The following HOOK2 variants were observed in gnomAD, a reference collection of about 807,000 sequenced individuals.
HOOK2 encodes protein Hook homolog 2.
Under a neutral mutation model 111.9 loss-of-function variants are expected in HOOK2, and 108 were observed. The observed-to-expected ratio is 0.96, with a 90% CI of 0.83 to 1.13. HOOK2 has a LOEUF of 1.13. Ranked by LOEUF, HOOK2 falls within the 50% of genes most tolerant of loss-of-function variation. The pLI, the probability that HOOK2 is intolerant of heterozygous loss-of-function variation, is 0.00. For missense variants in HOOK2, 978 were observed against 951.3 expected, an observed-to-expected ratio of 1.03 and a Z score of -0.37; for synonymous variants, 405 against 394.3, an observed-to-expected ratio of 1.03 and a Z score of -0.32.
rs932300923 is a variant in HOOK2, at chr19:12,791,331, A to G, written n.42-17106T>C. Among the ~76,000 whole-genome samples the G allele has an allele frequency of 3.3e-5, 5 of 152,180 alleles. No homozygotes were observed. The highest frequency in any genetic ancestry group is 5.9e-5 in the Non-Finnish European group (4 of 68,028). The stretch of plus-strand genomic sequence containing the variant: ...CGGCCCGTGGCCGCTGTTTACAAGG[A>G]CACGCGCTTCCTGACAGTGACGCGA... On this transcript the variant is annotated intron_variant and non_coding_transcript_variant, in intron 3 of 3. Transcript: ENST00000589765. This position sits in a 1 kb window ranked among gnomAD's most constrained non-coding sequence, Gnocchi z 7.0.
intron 3 of HOOK2, among the ~76,000 whole-genome samples, chr19:12,783,931 C>T (rs1017117268): frequency 6.6e-5 from 10 of 152,082 alleles, no homozygotes; most frequent in South Asian, 2.1e-4. Flanking sequence ...AAGTGAGAGG[C>T]GGGGCAGGAA....
rs1968707246 is a variant in HOOK2 at position 12,791,084 on chromosome 19, A to G, written n.42-16859T>C. On this transcript the variant is annotated intron_variant and non_coding_transcript_variant, in intron 3 of 3. Coordinates refer to the HOOK2 transcript ENST00000589765. The surrounding 1 kb of genome is among the most constrained non-coding windows in gnomAD (Gnocchi z 7.0). ...CTCCCAATGGATTGTCAGTCCTCCT[A>G]CCCCTCTCGTATTCTGGGTACCTCA... 6.6e-6 allele frequency among the ~76,000 whole-genome samples: 1 copy of G among 151,520 alleles called. No homozygotes were observed. The highest frequency in any genetic ancestry group is 2.1e-4 in the South Asian group (1 of 4,792).
chr19:12,777,686 C>G (rs762018128), upstream of HOOK2, among the ~76,000 whole-genome samples: 3 of 152,220 alleles, frequency 2.0e-5, no homozygotes, highest in Non-Finnish European at 4.4e-5. Context: ...CGGCATCACC[C>G]CCACCTCAGA....
upstream of HOOK2, among the ~76,000 whole-genome samples, chr19:12,780,981 A>T (rs550942647): frequency 1.5e-4 from 21 of 140,050 alleles, no homozygotes; most frequent in African/African-American, 5.3e-4. Context: ...CCGTCTCAAA[A>T]AATAATAATA....
upstream of HOOK2, among the ~76,000 whole-genome samples, chr19:12,782,739 C>G (rs1001431384): frequency 6.6e-6 from 1 of 152,174 alleles, no homozygotes; most frequent in Non-Finnish European, 1.5e-5. Flanking sequence ...CTTGGGGCGC[C>G]GGTGAAACCC....
chr19:12,764,255 T>A (rs891445153), intron 20 of HOOK2: 1 of 160,046 alleles, frequency 6.2e-6, no homozygotes, highest in African/African-American at 2.5e-5. Flanking sequence ...CCTCAAGGGA[T>A]CAGCTGCTTC....
At chr19:12,767,780 G>C (rs201694163) in intron 13 of HOOK2, 36 bp downstream of exon 13, 1 of 1,579,700 alleles carries the variant, frequency 6.3e-7, no homozygotes, top group Non-Finnish European at 8.6e-7. Context: ...CAGTACACCA[G>C]GACAGGTAAG....
At chr19:12,776,627 C>G (rs1331868741), upstream of HOOK2, among the ~76,000 whole-genome samples, 1 of 143,894 alleles carries the variant, frequency 6.9e-6, no homozygotes, top group Non-Finnish European at 1.5e-5. Flanking sequence ...TGCAGTCAGC[C>G]GAGATCGTAC....
In HOOK2 at chr19:12,763,510, C is replaced by T; in HGVS notation, c.2010+18G>A. The T allele has an allele frequency of 6.2e-7, 1 of 1,614,178 alleles. No homozygotes were observed. The highest frequency in any genetic ancestry group is 1.6e-4 in the Middle Eastern group (1 of 6,062). Reference sequence around the variant, plus strand: ...ATATTCTACCCATGAGATCTTAGAGCCCAGACCCCACACTTACCATATTAT... The same window carrying T: ...ATATTCTACCCATGAGATCTTAGAGTCCAGACCCCACACTTACCATATTAT... On this transcript the variant is annotated intron_variant, in intron 22 of 22. Coordinates refer to ENST00000397668, the MANE Select transcript of HOOK2 (RefSeq NM_013312.3).
In HOOK2 at chr19:12,791,737, G is replaced by A. The variant is rs1276791517; in HGVS notation, n.42-17512C>T. The A allele has an allele frequency of 2.0e-6, 3 of 1,511,224 alleles. No homozygotes were observed. The highest frequency in any genetic ancestry group is 2.3e-5 in the East Asian group (1 of 43,444). The allele number at this position is 1,511,224 out of a possible 1,614,324, so 93.6% of individuals were successfully genotyped here. Reference sequence around the variant, plus strand: ...CTGCAGCGAGGCCCGGAGCGGCCCCGCAGGGACCCTCCCCAGACCGCCTGG... The same window carrying A: ...CTGCAGCGAGGCCCGGAGCGGCCCCACAGGGACCCTCCCCAGACCGCCTGG... On this transcript the variant is annotated intron_variant and non_coding_transcript_variant, in intron 3 of 3. Coordinates refer to the HOOK2 transcript ENST00000589765. The surrounding 1 kb of genome is among the most constrained non-coding windows in gnomAD (Gnocchi z 7.0).
Position 12,763,258 on chromosome 19 carries a change from A to T in HOOK2, c.*24T>A, listed in dbSNP as rs768268554. 6.2e-7 allele frequency: 1 copy of T among 1,605,858 alleles called. No individual in the cohort carries two copies. The highest frequency in any genetic ancestry group is 2.2e-5 in the East Asian group (1 of 44,706). ...GAGGAAGCCAGGGTGGGTGGAGCCCAGGCTGGCTTGATTGTGAGGTCTGTC... is the reference window on the plus strand; with the variant it reads ...GAGGAAGCCAGGGTGGGTGGAGCCCTGGCTGGCTTGATTGTGAGGTCTGTC... On this transcript the variant is annotated 3_prime_UTR_variant, in exon 23 of 23. Transcript: ENST00000397668.
chr19:12,769,214 C>G (rs1968243605), intron 11 of HOOK2, among the ~76,000 whole-genome samples: 1 of 152,104 alleles, frequency 6.6e-6, no homozygotes, highest in Non-Finnish European at 1.5e-5. Flanking sequence ...ATCCACCCGC[C>G]TCGGCCTCCC....
intron 3 of HOOK2, chr19:12,785,221 T>C (rs1302714603): frequency 1.3e-5 from 2 of 151,508 alleles, no homozygotes; most frequent in Admixed American, 6.6e-5. Flanking sequence ...AACACACACA[T>C]GGAAACAAGC....
chr19:12,775,484 C>T lies in HOOK2; in HGVS notation c.-35G>A, dbSNP rs778180973. The stretch of plus-strand genomic sequence containing the variant: ...TCGGATTCAATCCAGGCCACGGAGC[C>T]CCGGCGCCGCAGCAGCCTCCGGGTC... On this transcript the variant is annotated 5_prime_UTR_variant, in exon 1 of 23. Coordinates refer to ENST00000397668, the MANE Select transcript of HOOK2 (RefSeq NM_013312.3). The T allele has an allele frequency of 2.5e-6, 4 of 1,596,206 alleles. No individual in the cohort carries two copies. Among genetic ancestry groups the T allele is most frequent in the African/African-American group, 1.4e-5 (1 of 73,350 alleles).
In HOOK2 at chr19:12,766,250, C is replaced by T. The variant is rs1394436211; in HGVS notation, c.1374-10G>A. On this transcript the variant is annotated splice_polypyrimidine_tract_variant and intron_variant, in intron 14 of 22. Transcript: ENST00000397668. ...CCGCAGGAGCGTCTCCCTGCAGACC[C>T]GGGAGGAGAGAGCAGGGCCAGGGTC... 2.6e-6 allele frequency: 4 copies of T among 1,559,694 alleles called. No individual in the cohort carries two copies. Among genetic ancestry groups the T allele is most frequent in the African/African-American group, 1.3e-5 (1 of 74,092 alleles).
At chr19:12,775,108 A>C in intron 1 of HOOK2, 1 of 876,170 alleles carries the variant, frequency 1.1e-6, no homozygotes, top group South Asian at 5.2e-5. Flanking sequence ...CTGCGCGTCC[A>C]GGCCAGGGTG....
Position 12,772,175 on chromosome 19 carries a change from C to T in HOOK2, c.519+15G>A. The T allele has an allele frequency of 1.3e-6, 2 of 1,594,854 alleles. No individual in the cohort carries two copies. Among genetic ancestry groups the T allele is most frequent in the Non-Finnish European group, 1.7e-6 (2 of 1,162,458 alleles). On this transcript the variant is annotated intron_variant, in intron 7 of 22. Transcript: ENST00000397668. ...GATCCCTGTGCCTGGAACACCTTTC[C>T]CCCAAATCTCTTACCTGGCTGTCAA...
intron 3 of HOOK2, among the ~76,000 whole-genome samples, chr19:12,789,556 C>G (rs934191389): frequency 1.1e-4 from 16 of 152,032 alleles, no homozygotes; most frequent in Non-Finnish European, 1.5e-5. Flanking sequence ...GGACGGAGCT[C>G]CAGATCTCCT....
In HOOK2 at chr19:12,763,160, G is replaced by A. The variant is rs1968045522; in HGVS notation, c.*122C>T. The stretch of plus-strand genomic sequence containing the variant: ...TCCCTCCCCACCAATCTGGGAGAGG[G>A]AAGAGCAGAGATCATGGCCTCAAAG... On this transcript the variant is annotated 3_prime_UTR_variant, in exon 23 of 23. Coordinates refer to ENST00000397668, the MANE Select transcript of HOOK2 (RefSeq NM_013312.3). The A allele has an allele frequency of 7.1e-6, 7 of 987,488 alleles. No individual in the cohort carries two copies. In the South Asian group the frequency reaches 1.1e-4, roughly 16 times the overall value. The allele number at this position is 987,488 out of a possible 1,614,324, so 61.2% of individuals were successfully genotyped here. A position where few individuals can be genotyped will look rare whatever the true frequency, so the allele number is the denominator to read the frequency against.
Sources: allele counts gnomAD v4.1 joint callset (sites outside exome capture counted in the v4.1 genomes callset), GRCh38; gene constraint gnomAD v4.1.1; non-coding constraint Gnocchi (gnomAD v3.1); transcripts MANE v1.5; gene names NCBI Gene and HGNC (gene_info 2026-07-23, HGNC 2026-07-21).